FLT4: variants seen among roughly 807,000 people sequenced by gnomAD.
FLT4 encodes the protein fms related receptor tyrosine kinase 4.
A neutral mutation model predicts 163.2 loss-of-function variants in FLT4; 30 were observed. The observed-to-expected ratio is 0.18, with a 90% CI of 0.14 to 0.25. FLT4 has a LOEUF of 0.25. Among genes scored for constraint, FLT4 ranks in the 10% least tolerant of loss-of-function variants. The pLI is 1.00. For synonymous variants in FLT4, 884 were observed against 789.5 expected, an observed-to-expected ratio of 1.12 and a Z score of -2.01; for missense variants, 1,510 against 1,863.8, an observed-to-expected ratio of 0.81 and a Z score of 3.50.
At chr5:180,617,160 G>T (rs112108645) in intron 21 of FLT4, among the ~76,000 whole-genome samples, 166 bp from the exon 22 acceptor site, 17 of 133,690 alleles carry the variant, frequency 1.3e-4, no homozygotes, top group African/African-American at 2.8e-4. Flanking sequence ...CAGCCTCTGG[G>T]ACACCCACAT....
chr5:180,616,669 T>C (rs964600671), intron 22 of FLT4, among the ~76,000 whole-genome samples, 180 bp from the exon 23 acceptor site: 1 of 152,130 alleles, frequency 6.6e-6, no homozygotes, highest in Non-Finnish European at 1.5e-5. Context: ...GCTTGTGGAA[T>C]TGTGGGGACA....
chr5:180,626,086 G>C (rs374628416), intron 9 of FLT4, 25 bp downstream of exon 9: 2 of 1,612,716 alleles, frequency 1.2e-6, no homozygotes, highest in Middle Eastern at 1.6e-4. Flanking sequence ...CCGCCCACCC[G>C]TGCGCTCTCC....
chr5:180,603,460 C>G (rs2127781915), intron 29 of FLT4, 70 bp from the exon 30 acceptor site: 1 of 1,422,476 alleles, frequency 7.0e-7, no homozygotes, highest in African/African-American at 1.4e-5. Flanking sequence ...TACTGGTAAT[C>G]CCAGTACTTG....
intron 1 of FLT4, among the ~76,000 whole-genome samples, chr5:180,642,295 C>T (rs571162603): frequency 6.6e-6 from 1 of 151,986 alleles, no homozygotes; most frequent in African/African-American, 2.4e-5. Context: ...TGGTTTGCTA[C>T]AGCTGCTGTA....
intron 29 of FLT4, among the ~76,000 whole-genome samples, chr5:180,605,584 G>C (rs1761741180): frequency 6.6e-6 from 1 of 152,168 alleles, no homozygotes; most frequent in African/African-American, 2.4e-5. Flanking sequence ...CTGTGGATGG[G>C]ACTAGGGATT....
intron 29 of FLT4, among the ~76,000 whole-genome samples, chr5:180,606,383 C>T (rs1761782999): frequency 6.6e-6 from 1 of 152,098 alleles, no homozygotes; most frequent in South Asian, 2.1e-4. Flanking sequence ...CCTCCGTCAC[C>T]CCTGGGTCTG....
In FLT4 at chr5:180,630,163, C is replaced by T. The variant is rs565985440; in HGVS notation, c.514-58G>A. ...TGCCCCTTGCTCCTGGCCAGACAGG[C>T]GGCCGCCTTTCCCAGGGGTGGGATG... On this transcript the variant is annotated intron_variant, in intron 4 of 29. Coordinates refer to ENST00000261937, the MANE Select transcript of FLT4 (RefSeq NM_182925.5). The surrounding 1 kb of genome is among the most constrained non-coding windows in gnomAD (Gnocchi z 6.3). The T allele has an allele frequency of 6.0e-5, 64 of 1,064,174 alleles. No homozygotes were observed. The highest frequency in any genetic ancestry group is 5.0e-4 in the East Asian group (11 of 21,834). The allele number at this position is 1,064,174 out of a possible 1,614,324, so 65.9% of individuals were successfully genotyped here. A position where few individuals can be genotyped will look rare whatever the true frequency, so the allele number is the denominator to read the frequency against.
chr5:180,603,074 G>T lies in FLT4; in HGVS notation c.*118C>A. On this transcript the variant is annotated 3_prime_UTR_variant, in exon 30 of 30. Coordinates refer to ENST00000261937, the MANE Select transcript of FLT4 (RefSeq NM_182925.5). ...AGCTGGGAAGTCTGCAGAGAGGGAAGAGGACACTCCTGTGCCACCAGAGTT... is the reference window on the plus strand; with the variant it reads ...AGCTGGGAAGTCTGCAGAGAGGGAATAGGACACTCCTGTGCCACCAGAGTT... The T allele has an allele frequency of 2.1e-6, 2 of 974,504 alleles. No individual in the cohort carries two copies. Among genetic ancestry groups the T allele is most frequent in the Non-Finnish European group, 3.2e-6 (2 of 622,598 alleles). 60.4% of individuals were successfully genotyped at this position (974,504 alleles called of 1,614,324 possible). A position where few individuals can be genotyped will look rare whatever the true frequency, so the allele number is the denominator to read the frequency against.
chr5:180,621,973 G>A lies in FLT4; in HGVS notation c.1658-69C>T, dbSNP rs182123829. 219 of 1,571,338 alleles carry A rather than the reference G, an allele frequency of 1.4e-4. No homozygotes were observed. In the East Asian group the frequency reaches 1.9e-3, roughly 13 times the overall value. The stretch of plus-strand genomic sequence containing the variant: ...TGCTCCCCCATCCACCTGCCGCCCC[G>A]GGGTCTCCTCCTGCCTCCCTCCCTC... On this transcript the variant is annotated intron_variant, in intron 12 of 29. Transcript: ENST00000261937.
intron 29 of FLT4, among the ~76,000 whole-genome samples, chr5:180,604,011 AAACT>A (rs775059183): frequency 1.7e-4 from 26 of 152,070 alleles, no homozygotes; most frequent in Admixed American, 5.2e-4. Context: ...TCTCAAAAAC[AAACT>A]AACAAAAAAC....
intron 5 of FLT4, 31 bp from the exon 6 acceptor site, chr5:180,629,866 C>T (rs762402874): frequency 1.2e-6 from 2 of 1,612,646 alleles, no homozygotes; most frequent in East Asian, 4.5e-5. Context: ...ACTCCCACGC[C>T]CTCACAGGAC....
At chr5:180,609,151 C>T (rs1442240928) in intron 28 of FLT4, 98 bp from the exon 29 acceptor site, 3 of 971,050 alleles carry the variant, frequency 3.1e-6, no homozygotes, top group East Asian at 2.4e-5. Context: ...TCCTGCAGCG[C>T]GGCTGACCTA....
intron 10 of FLT4, among the ~76,000 whole-genome samples, chr5:180,624,552 C>T (rs1452001897): frequency 3.9e-5 from 6 of 152,154 alleles, no homozygotes; most frequent in Non-Finnish European, 5.9e-5. Flanking sequence ...TGTCTCCCAC[C>T]CTTCAGGCTC....
chr5:180,611,637 C>T, intron 26 of FLT4, 158 bp from the exon 27 acceptor site: 2 of 787,778 alleles, frequency 2.5e-6, no homozygotes, highest in Non-Finnish European at 2.1e-6. Context: ...GCCCTGCCCT[C>T]AGCCCTCGCT....
chr5:180,617,061 GGA>G, intron 21 of FLT4, 67 bp from the exon 22 acceptor site: 1 of 1,170,008 alleles, frequency 8.5e-7, no homozygotes, highest in Non-Finnish European at 1.3e-6. Flanking sequence ...CCAGCCCCAG[GGA>G]ACAGCTAACA....
At chr5:180,646,185 C>T (rs1010460477) in intron 1 of FLT4, among the ~76,000 whole-genome samples, 1 of 152,110 alleles carries the variant, frequency 6.6e-6, no homozygotes, top group African/African-American at 2.4e-5. Context: ...CCTACCTCCA[C>T]CCAAGGTCCT....
Position 180,632,117 on chromosome 5 carries a change from T to C in FLT4, c.59-339A>G, listed in dbSNP as rs184542098. ...GGAGCGGGGGAGGGGCGCTGGAGTG[T>C]GTCACCTCCACATCACGGCCCCTGC... On this transcript the variant is annotated intron_variant, in intron 1 of 29. Coordinates refer to ENST00000261937, the MANE Select transcript of FLT4 (RefSeq NM_182925.5). Among the ~76,000 whole-genome samples the C allele has an allele frequency of 9.7e-3, 1,477 of 152,236 alleles. 22 individuals carry two copies. Among genetic ancestry groups the C allele is most frequent in the African/African-American group, 0.034 (1,403 of 41,540 alleles).
At chr5:180,638,548 A>G (rs1227411179) in intron 1 of FLT4, among the ~76,000 whole-genome samples, 2 of 152,216 alleles carry the variant, frequency 1.3e-5, no homozygotes, top group Non-Finnish European at 2.9e-5. Flanking sequence ...CACAGGCCTG[A>G]TCACACTTGT....
chr5:180,614,772 G>C (rs114137599), intron 23 of FLT4, among the ~76,000 whole-genome samples: 239 of 152,190 alleles, frequency 1.6e-3, no homozygotes, highest in African/African-American at 5.4e-3. Flanking sequence ...GGAGGTTTTT[G>C]TAACTGCAGA....
Sources: allele counts gnomAD v4.1 joint callset (sites outside exome capture counted in the v4.1 genomes callset), GRCh38; gene constraint gnomAD v4.1.1; non-coding constraint Gnocchi (gnomAD v3.1); transcripts MANE v1.5; gene names NCBI Gene and HGNC (gene_info 2026-07-23, HGNC 2026-07-21).